The following TENM4 variants were observed in gnomAD, a reference collection of about 807,000 sequenced individuals.
TENM4 encodes the protein teneurin transmembrane protein 4.
Under a neutral mutation model 243.3 loss-of-function variants are expected in TENM4, and 82 were observed. That is an observed-to-expected ratio of 0.34 (90% CI 0.28 to 0.40). The LOEUF is 0.40. Among genes scored for constraint, TENM4 ranks in the 10% least tolerant of loss-of-function variants. The pLI is 1.00. For missense variants in TENM4, 3,138 were observed against 3,673.3 expected, an observed-to-expected ratio of 0.85 and a Z score of 3.77; for synonymous variants, 1,412 against 1,456.3, an observed-to-expected ratio of 0.97 and a Z score of 0.69.
In TENM4 at chr11:79,322,288, G is replaced by C. The variant is rs1042017569; in HGVS notation, c.-320-24745C>G. On this transcript the variant is annotated intron_variant, in intron 1 of 33. Coordinates refer to ENST00000278550, the MANE Select transcript of TENM4 (RefSeq NM_001098816.3). ...CAGGGCCATGCTAATCCACACAGCT[G>C]CACAAGGCTAGAGGCTTAAAAGAGC... Among the ~76,000 whole-genome samples, 18 of 152,314 alleles carry C rather than the reference G, an allele frequency of 1.2e-4. No individual in the cohort carries two copies. The East Asian group carries it at 1.9e-3, about 16-fold the overall frequency.
chr11:78,847,952 G>C (rs1858439362), intron 12 of TENM4, among the ~76,000 whole-genome samples: 1 of 152,148 alleles, frequency 6.6e-6, no homozygotes, highest in African/African-American at 2.4e-5. Flanking sequence ...GAGAAATAAA[G>C]AAATAGCACA....
chr11:79,247,171 T>C (rs1354986124), intron 2 of TENM4, among the ~76,000 whole-genome samples: 1 of 151,306 alleles, frequency 6.6e-6, no homozygotes, highest in Non-Finnish European at 1.5e-5. Flanking sequence ...AATCCCAGCA[T>C]TTTGGGAGGT....
intron 4 of TENM4, among the ~76,000 whole-genome samples, chr11:79,124,891 ATATGTGTGTGTGTG>A (rs1861837031): frequency 1.7e-5 from 1 of 57,868 alleles, no homozygotes; most frequent in African/African-American, 6.4e-5. Flanking sequence ...ATGTATATGT[ATATGTGTGTGTGTG>A]TGTGTGTGTG....
At chr11:78,834,369 C>CT (rs1858052603) in intron 12 of TENM4, among the ~76,000 whole-genome samples, 1 of 151,848 alleles carries the variant, frequency 6.6e-6, no homozygotes, top group African/African-American at 2.4e-5. Flanking sequence ...TTTTGTTTTC[C>CT]TATTTGTCTT....
intron 4 of TENM4, among the ~76,000 whole-genome samples, chr11:79,146,835 TA>T (rs1862403434): frequency 6.6e-6 from 1 of 152,130 alleles, no homozygotes; most frequent in Non-Finnish European, 1.5e-5. Context: ...CAAGGCCACA[TA>T]ACTTGTAAGT....
intron 7 of TENM4, among the ~76,000 whole-genome samples, chr11:78,899,974 T>C (rs947471396): frequency 9.8e-5 from 15 of 152,292 alleles, no homozygotes; most frequent in African/African-American, 3.4e-4. Flanking sequence ...GACAGAAGGG[T>C]ACTGCCAAGA....
intron 6 of TENM4, among the ~76,000 whole-genome samples, chr11:78,962,529 A>G (rs1591165998): frequency 6.6e-6 from 1 of 152,252 alleles, no homozygotes; most frequent in Admixed American, 6.5e-5. Context: ...CCACAGAGAA[A>G]GTTGCTGCAA....
At chr11:78,965,550 C>T (rs1002154290) in intron 6 of TENM4, among the ~76,000 whole-genome samples, 1 of 152,184 alleles carries the variant, frequency 6.6e-6, no homozygotes, top group African/African-American at 2.4e-5. Context: ...TTTGTTACAG[C>T]CTCTTCCTGA....
intron 1 of TENM4, among the ~76,000 whole-genome samples, chr11:79,406,534 T>C (rs1858577145): frequency 6.6e-6 from 1 of 152,188 alleles, no homozygotes; most frequent in Non-Finnish European, 1.5e-5. Flanking sequence ...AAAGAGGAAG[T>C]GAAACAAGAC....
chr11:79,397,504 TC>T (rs1316008827), intron 1 of TENM4, among the ~76,000 whole-genome samples: 6 of 152,184 alleles, frequency 3.9e-5, no homozygotes, highest in African/African-American at 1.4e-4. Context: ...GGATACCATT[TC>T]CTGAGTTAAC....
chr11:78,688,387 T>C (rs1293784084), intron 28 of TENM4, among the ~76,000 whole-genome samples, 161 bp from the exon 29 acceptor site: 2 of 152,166 alleles, frequency 1.3e-5, no homozygotes, highest in Non-Finnish European at 2.9e-5. Context: ...ACCTGGTACA[T>C]AGATTTCAGG....
chr11:78,787,197 T>TG, intron 15 of TENM4, 114 bp from the exon 16 acceptor site: 2 of 1,283,684 alleles, frequency 1.6e-6, no homozygotes, highest in Non-Finnish European at 2.1e-6. Flanking sequence ...AAGTTATTGT[T>TG]GGAAACCAAA....
At chr11:78,862,789 G>T (rs1338335455) in intron 10 of TENM4, among the ~76,000 whole-genome samples, 173 bp downstream of exon 10, 5 of 152,222 alleles carry the variant, frequency 3.3e-5, no homozygotes, top group Non-Finnish European at 5.9e-5. Context: ...GAACTGCGAT[G>T]AAGACACAGG....
intron 15 of TENM4, among the ~76,000 whole-genome samples, chr11:78,788,369 G>A (rs561774300): frequency 6.6e-6 from 1 of 152,210 alleles, no homozygotes; most frequent in Non-Finnish European, 1.5e-5. Context: ...TACTTATTAC[G>A]TGCAGTAACA....
intron 6 of TENM4, among the ~76,000 whole-genome samples, chr11:78,915,044 G>A (rs917277169): frequency 2.0e-5 from 3 of 152,308 alleles, no homozygotes; most frequent in Middle Eastern, 3.4e-3. Flanking sequence ...CCCACCATCC[G>A]GCATGAGTCC....
chr11:79,141,719 G>A (rs1053463944), intron 4 of TENM4, among the ~76,000 whole-genome samples: 3 of 151,784 alleles, frequency 2.0e-5, no homozygotes, highest in Admixed American at 6.6e-5. Context: ...ACAAAACTAG[G>A]CCAATATGAT....
intron 3 of TENM4, among the ~76,000 whole-genome samples, chr11:79,214,869 G>A (rs923365848): frequency 6.6e-6 from 1 of 152,242 alleles, no homozygotes; most frequent in Non-Finnish European, 1.5e-5. Flanking sequence ...AAGTCACTAG[G>A]TAGAGCAAAG....
chr11:78,937,081 G>C (rs1245920884), intron 6 of TENM4, among the ~76,000 whole-genome samples: 2 of 152,060 alleles, frequency 1.3e-5, no homozygotes, highest in Non-Finnish European at 2.9e-5. Flanking sequence ...ATTTGTCCTA[G>C]GCATCTGTGA....
rs150878379 is a variant in TENM4, at chr11:79,225,762, C to T, written c.-264-9853G>A. ...CCTCCCAAAGTGCTAGGATTACAGG[C>T]GTGAGCCACCGTGCTCAGTCCTTTC... On this transcript the variant is annotated intron_variant, in intron 2 of 33. Coordinates refer to ENST00000278550, the MANE Select transcript of TENM4 (RefSeq NM_001098816.3). Among the ~76,000 whole-genome samples the T allele has an allele frequency of 6.2e-3, 944 of 152,274 alleles. 11 individuals carry two copies. The highest frequency in any genetic ancestry group is 0.022 in the African/African-American group (899 of 41,562).
Sources: gnomAD v4.1 joint callset for allele counts (sites outside exome capture counted in the v4.1 genomes callset) on GRCh38, gnomAD v4.1.1 for gene constraint, MANE v1.5 for transcripts, NCBI Gene and HGNC (gene_info 2026-07-23, HGNC 2026-07-21) for gene names.